EYS: variants seen among roughly 807,000 people sequenced by gnomAD.
EYS encodes the protein EGF-like photoreceptor maintenance factor, also known as protein eyes shut homolog.
In EYS, 250 loss-of-function variants were observed where a neutral mutation model predicts 282.1. That is an observed-to-expected ratio of 0.89 (90% CI 0.80 to 0.98). EYS has a LOEUF of 0.98. Among genes scored for constraint, EYS ranks in the 50% least tolerant of loss-of-function variants. The pLI, the probability that EYS is intolerant of heterozygous loss-of-function variation, is 0.00. For synonymous variants in EYS, 1,355 were observed against 1,282.9 expected (o/e 1.06, Z -1.20); for missense variants, 4,016 against 3,709.0 (o/e 1.08, Z -2.15).
chr6:65,494,951 T>G lies in EYS; in HGVS notation c.460A>C (p.Ser154Arg). The part of the protein sequence containing the change: ...GTHYFITVMA[S>R]GPSPCPLGLR... The stretch of plus-strand genomic sequence containing the variant: ...CCCAGTGGACAAGGTGATGGACCAC[T>G]TGCCATAACTGTGATAAAATAATGT... Residue 154 changes from serine (S) to arginine (R), a missense_variant, in exon 4 of 43, where the codon AGT becomes CGT. By Grantham distance (110) the Ser-to-Arg change is moderately radical. Coordinates refer to ENST00000503581, the MANE Select transcript of EYS (RefSeq NM_001142800.2). 6.2e-7 allele frequency: 1 copy of G among 1,614,154 alleles called. No individual in the cohort carries two copies. The highest frequency in any genetic ancestry group is 8.5e-7 in the Non-Finnish European group (1 of 1,180,020).
intron 13 of EYS, among the ~76,000 whole-genome samples, chr6:65,051,708 G>A (rs1773274002): frequency 6.6e-6 from 1 of 151,400 alleles, no homozygotes; most frequent in Admixed American, 6.6e-5. Context: ...GATGAACCTG[G>A]AGGACATCAT....
intron 35 of EYS, among the ~76,000 whole-genome samples, chr6:63,895,862 AT>A (rs1345411815): frequency 7.1e-6 from 1 of 140,132 alleles, no homozygotes; most frequent in Non-Finnish European, 1.5e-5. Context: ...TCTTCCTCTA[AT>A]TTATGTGGAC....
At chr6:64,294,714 T>G (rs1768843634) in intron 30 of EYS, among the ~76,000 whole-genome samples, 1 of 152,184 alleles carries the variant, frequency 6.6e-6, no homozygotes, top group Admixed American at 6.5e-5. Context: ...TAATAGTGGA[T>G]AAAACTACTG....
At chr6:63,784,685 A>AC in intron 39 of EYS, among the ~76,000 whole-genome samples, 1 of 151,742 alleles carries the variant, frequency 6.6e-6, no homozygotes, top group Non-Finnish European at 1.5e-5. Context: ...GGGGAAATCT[A>AC]CCCCCATGAT....
chr6:63,954,913 G>A (rs1345423337), intron 35 of EYS, among the ~76,000 whole-genome samples: 2 of 152,096 alleles, frequency 1.3e-5, no homozygotes, highest in Non-Finnish European at 2.9e-5. Context: ...CTGTCCTCAA[G>A]GAAATAACTT....
chr6:65,271,376 A>T (rs1767900356), intron 12 of EYS, among the ~76,000 whole-genome samples: 1 of 151,116 alleles, frequency 6.6e-6, no homozygotes, highest in South Asian at 2.1e-4. Context: ...AAGAGGGCAA[A>T]TTCAACTTTC....
At chr6:65,022,464 C>T (rs890157597) in intron 13 of EYS, among the ~76,000 whole-genome samples, 1 of 152,060 alleles carries the variant, frequency 6.6e-6, no homozygotes, top group Non-Finnish European at 1.5e-5. Flanking sequence ...GCTGTTATGG[C>T]TATTTCTATT....
At chr6:64,857,298 C>T (rs563786667) in intron 19 of EYS, among the ~76,000 whole-genome samples, 1 of 152,234 alleles carries the variant, frequency 6.6e-6, no homozygotes, top group East Asian at 1.9e-4. Flanking sequence ...TTTGCCCAAC[C>T]TCTGGTAACC....
intron 23 of EYS, among the ~76,000 whole-genome samples, chr6:64,624,453 A>AT (rs981784655): frequency 6.6e-6 from 1 of 152,164 alleles, no homozygotes; most frequent in Non-Finnish European, 1.5e-5. Flanking sequence ...CAATAAAGAT[A>AT]TTTTTTGCTT....
intron 5 of EYS, among the ~76,000 whole-genome samples, chr6:65,444,947 C>T (rs928510783): frequency 2.0e-5 from 3 of 151,902 alleles, no homozygotes; most frequent in African/African-American, 7.2e-5. Flanking sequence ...CTGTCTACAC[C>T]TAAGACCTTA....
chr6:65,662,855 A>G (rs1768054602), intron 1 of EYS, among the ~76,000 whole-genome samples: 1 of 152,156 alleles, frequency 6.6e-6, no homozygotes, highest in Admixed American at 6.6e-5. Context: ...ATAAAATGTG[A>G]CGATTTAGAT....
intron 2 of EYS, among the ~76,000 whole-genome samples, chr6:65,524,294 C>G (rs1414259577): frequency 1.3e-5 from 2 of 152,120 alleles, no homozygotes; most frequent in Non-Finnish European, 1.5e-5. Flanking sequence ...GTCTTAACTT[C>G]CATTTCAATG....
At chr6:64,003,405 T>C (rs1768190599) in intron 33 of EYS, among the ~76,000 whole-genome samples, 1 of 152,204 alleles carries the variant, frequency 6.6e-6, no homozygotes, top group South Asian at 2.1e-4. Flanking sequence ...GTGACTATAG[T>C]CAATAACAAC....
chr6:64,690,187 C>T (rs182138546), intron 22 of EYS, among the ~76,000 whole-genome samples: 3,844 of 152,034 alleles, frequency 0.025, 159 homozygotes, highest in African/African-American at 0.087. Flanking sequence ...AGACACTTCT[C>T]GAAAGAAGAC....
intron 33 of EYS, among the ~76,000 whole-genome samples, chr6:64,014,395 G>GT (rs1768790134): frequency 6.6e-6 from 1 of 151,804 alleles, no homozygotes; most frequent in South Asian, 2.1e-4. Flanking sequence ...TAATACTTCA[G>GT]TTTCCAAATG....
At chr6:65,161,054 T>C (rs917793821) in intron 12 of EYS, among the ~76,000 whole-genome samples, 3 of 151,012 alleles carry the variant, frequency 2.0e-5, no homozygotes, top group Admixed American at 6.6e-5. Context: ...AAAATCTATG[T>C]CTTGACACAA....
At chr6:65,632,804 T>C (rs1482369455) in intron 2 of EYS, among the ~76,000 whole-genome samples, 2 of 152,208 alleles carry the variant, frequency 1.3e-5, no homozygotes, top group African/African-American at 2.4e-5. Context: ...GATTATCTTA[T>C]GATACCTAGT....
chr6:64,674,226 T>C (rs1173378611), intron 22 of EYS, among the ~76,000 whole-genome samples: 1 of 152,108 alleles, frequency 6.6e-6, no homozygotes, highest in Non-Finnish European at 1.5e-5. Context: ...ACAAATATCC[T>C]TGGAATGCTT....
chr6:64,134,541 AT>A (rs749860828), intron 31 of EYS, among the ~76,000 whole-genome samples: 1 of 152,106 alleles, frequency 6.6e-6, no homozygotes, highest in Non-Finnish European at 1.5e-5. Context: ...TTGACGATGG[AT>A]TAGAGGGCAA....
Sources: gnomAD v4.1 joint callset for allele counts (sites outside exome capture counted in the v4.1 genomes callset) on GRCh38, gnomAD v4.1.1 for gene constraint, MANE v1.5 for transcripts, NCBI Gene and HGNC (gene_info 2026-07-23, HGNC 2026-07-21) for gene names.